The following GDAP1 variants were observed in gnomAD, a reference collection of about 807,000 sequenced individuals.
The protein encoded by GDAP1 is ganglioside-induced differentiation-associated protein 1.
Under a neutral mutation model 40.1 loss-of-function variants are expected in GDAP1, and 34 were observed. The observed-to-expected ratio is 0.85, with a 90% CI of 0.64 to 1.13. The LOEUF (loss-of-function observed/expected upper bound fraction) is 1.13, where lower values mean the gene tolerates loss of function less well. GDAP1 is among the 50% of genes most tolerant of loss of function. GDAP1 has a pLI of 0.00. For synonymous variants in GDAP1, 170 were observed against 157.4 expected, an observed-to-expected ratio of 1.08 and a Z score of -0.60; for missense variants, 374 against 433.7, an observed-to-expected ratio of 0.86 and a Z score of 1.22.
chr8:74,428,787 G>A (rs1805987466), intron 2 of GDAP1, among the ~76,000 whole-genome samples: 1 of 150,892 alleles, frequency 6.6e-6, no homozygotes, highest in African/African-American at 2.4e-5. Flanking sequence ...CTGGCCCAGA[G>A]GTTTGTTTTG....
At chr8:74,459,748 A>G (rs2131579409) in intron 2 of GDAP1, among the ~76,000 whole-genome samples, 1 of 152,344 alleles carries the variant, frequency 6.6e-6, no homozygotes, top group Non-Finnish European at 1.5e-5. Flanking sequence ...TTTGGTTAAC[A>G]GGTTTGGCTT....
intron 2 of GDAP1, among the ~76,000 whole-genome samples, chr8:74,422,364 T>TCCTTCCTC (rs1563465614): frequency 8.8e-6 from 1 of 113,282 alleles, no homozygotes; most frequent in African/African-American, 4.1e-5. Flanking sequence ...CTTCCTTCCT[T>TCCTTCCTC]CCTTCCTTCC....
intron 2 of GDAP1, among the ~76,000 whole-genome samples, chr8:74,390,331 G>C (rs984141657): frequency 1.3e-5 from 2 of 152,056 alleles, no homozygotes; most frequent in African/African-American, 2.4e-5. Flanking sequence ...ATTTACCTTT[G>C]GTCTTTGATG....
intron 2 of GDAP1, among the ~76,000 whole-genome samples, chr8:74,398,501 C>A (rs926433217): frequency 3.3e-5 from 5 of 152,152 alleles, no homozygotes; most frequent in Non-Finnish European, 4.4e-5. Context: ...CAAACAGGGA[C>A]AATTTGACTT....
chr8:74,459,624 T>A (rs1265534723), intron 2 of GDAP1, among the ~76,000 whole-genome samples: 1 of 152,134 alleles, frequency 6.6e-6, no homozygotes, highest in East Asian at 1.9e-4. Context: ...AGCAAAAGAA[T>A]AGGAATAAAA....
chr8:74,398,559 G>T lies in GDAP1; in HGVS notation c.165+47238G>T, dbSNP rs560705542. ...CTTTATTTCCTTTTCTTGCCTAATT[G>T]CCCTGGCCAGAACTTCCAACACTAT... On this transcript the variant is annotated intron_variant, in intron 2 of 2. Transcript: ENST00000523640. 5.9e-3 allele frequency among the ~76,000 whole-genome samples: 894 copies of T among 152,112 alleles called. 8 individuals are homozygous for T. The highest frequency in any genetic ancestry group is 0.02 in the African/African-American group (827 of 41,484).
At chr8:74,379,904 C>T (rs544271767) in intron 2 of GDAP1, among the ~76,000 whole-genome samples, 7 of 152,292 alleles carry the variant, frequency 4.6e-5, no homozygotes, top group Non-Finnish European at 4.4e-5. Flanking sequence ...CATGCAGGGA[C>T]CTCACCCCCA....
intron 2 of GDAP1, among the ~76,000 whole-genome samples, chr8:74,488,303 A>G (rs978834227): frequency 2.0e-5 from 3 of 152,174 alleles, no homozygotes; most frequent in Non-Finnish European, 4.4e-5. Context: ...CTTGTAAGGC[A>G]TTTCCAAAAT....
chr8:74,416,031 G>A (rs1805773640), intron 2 of GDAP1, among the ~76,000 whole-genome samples: 1 of 149,868 alleles, frequency 6.7e-6, no homozygotes, highest in Non-Finnish European at 1.5e-5. Context: ...CCCTGGTGCA[G>A]TTTTCAGATC....
intron 2 of GDAP1, among the ~76,000 whole-genome samples, chr8:74,440,138 A>G (rs897952266): frequency 1.3e-5 from 2 of 152,194 alleles, no homozygotes; most frequent in African/African-American, 4.8e-5. Context: ...CTTCAGAGCC[A>G]GACTGAGAAC....
At chr8:74,391,871 T>G (rs577571304) in intron 2 of GDAP1, among the ~76,000 whole-genome samples, 1 of 152,180 alleles carries the variant, frequency 6.6e-6, no homozygotes, top group East Asian at 1.9e-4. Flanking sequence ...CAGGCTGGAG[T>G]GCAATGGCCC....
At chr8:74,456,260 A>G (rs1806335355) in intron 2 of GDAP1, among the ~76,000 whole-genome samples, 1 of 151,968 alleles carries the variant, frequency 6.6e-6, no homozygotes, top group African/African-American at 2.4e-5. Flanking sequence ...TAAAGAGGCA[A>G]TGTTGGAATT....
intron 2 of GDAP1, among the ~76,000 whole-genome samples, chr8:74,380,946 G>A (rs1288029983): frequency 3.9e-5 from 6 of 152,084 alleles, no homozygotes; most frequent in African/African-American, 1.4e-4. Context: ...TCCTAATCCT[G>A]TTTAACTCTG....
chr8:74,366,652 TG>T lies in GDAP1; in HGVS notation c.*2286del. 1 of 453,808 alleles carries T rather than the reference TG, an allele frequency of 2.2e-6. No individual in the cohort carries two copies. The highest frequency in any genetic ancestry group is 1.6e-5 in the South Asian group (1 of 64,410). The allele number at this position is 453,808 out of a possible 1,614,324, so 28.1% of individuals were successfully genotyped here. ...GTACTAAAGTTATGTTGGCTTTTTG[TG>T]TCTTAACACACATAAATACTATTGT... On this transcript the variant is annotated 3_prime_UTR_variant, in exon 6 of 6. Coordinates refer to ENST00000220822, the MANE Select transcript of GDAP1 (RefSeq NM_018972.4).
intron 2 of GDAP1, among the ~76,000 whole-genome samples, chr8:74,446,758 A>C (rs1806234251): frequency 1.3e-5 from 2 of 152,352 alleles, no homozygotes; most frequent in South Asian, 2.1e-4. Flanking sequence ...TACATGTTAC[A>C]ACAAGATGAA....
intron 2 of GDAP1, among the ~76,000 whole-genome samples, chr8:74,434,491 A>C (rs1220578823): frequency 6.6e-6 from 1 of 152,190 alleles, no homozygotes; most frequent in African/African-American, 2.4e-5. Context: ...TATACAGAAA[A>C]TTCTGTGCTA....
At chr8:74,358,884 G>A (rs1277162542) in intron 2 of GDAP1, among the ~76,000 whole-genome samples, 1 of 152,134 alleles carries the variant, frequency 6.6e-6, no homozygotes, top group Non-Finnish European at 1.5e-5. Flanking sequence ...GCAATATCAG[G>A]AGTGCTTCTG....
At chr8:74,378,232 G>T (rs1034799950) in intron 2 of GDAP1, among the ~76,000 whole-genome samples, 1 of 152,164 alleles carries the variant, frequency 6.6e-6, no homozygotes, top group African/African-American at 2.4e-5. Flanking sequence ...CTGACTGTGG[G>T]ACTCAAAGAC....
intron 2 of GDAP1, among the ~76,000 whole-genome samples, chr8:74,354,255 A>G (rs2131501458): frequency 6.6e-6 from 1 of 152,338 alleles, no homozygotes; most frequent in Non-Finnish European, 1.5e-5. Context: ...GAGGTTGGGA[A>G]TAGTGTATCT....
Sources: allele counts gnomAD v4.1 joint callset (sites outside exome capture counted in the v4.1 genomes callset), GRCh38; gene constraint gnomAD v4.1.1; transcripts MANE v1.5; gene names NCBI Gene and HGNC (gene_info 2026-07-23, HGNC 2026-07-21).